Variants in UNC79 observed in about 807,000 individuals in gnomAD.
UNC79 encodes the protein unc-79 subunit of NALCN channel complex.
In UNC79, 37 loss-of-function variants were observed where a neutral mutation model predicts 283.1. That is an observed-to-expected ratio of 0.13 (90% CI 0.10 to 0.17). The LOEUF (loss-of-function observed/expected upper bound fraction) is 0.17, where lower values mean the gene tolerates loss of function less well. Among genes scored for constraint, UNC79 ranks in the 10% least tolerant of loss-of-function variants. The pLI is 1.00. For missense variants in UNC79, 2,272 were observed against 3,211.1 expected, an observed-to-expected ratio of 0.71 and a Z score of 7.07; for synonymous variants, 1,107 against 1,200.2, an observed-to-expected ratio of 0.92 and a Z score of 1.61.
At chr14:93,516,128 G>A (rs1287744735) in intron 7 of UNC79, among the ~76,000 whole-genome samples, 2 of 151,874 alleles carry the variant, frequency 1.3e-5, no homozygotes, top group Admixed American at 6.6e-5. Context: ...TGACCCTTTT[G>A]TTGAATAATA....
At chr14:93,557,299 G>T (rs1352965003) in intron 14 of UNC79, among the ~76,000 whole-genome samples, 1 of 152,156 alleles carries the variant, frequency 6.6e-6, no homozygotes, top group African/African-American at 2.4e-5. Flanking sequence ...TGCTGTTGTG[G>T]GAGTGTCTTT....
At chr14:93,606,252 G>A (rs536678774) in intron 26 of UNC79, among the ~76,000 whole-genome samples, 3 of 152,280 alleles carry the variant, frequency 2.0e-5, no homozygotes, top group African/African-American at 7.2e-5. Flanking sequence ...AAGCCTTCAG[G>A]CATCTAATTA....
chr14:93,517,295 C>T (rs1297773344), intron 7 of UNC79, among the ~76,000 whole-genome samples: 3 of 138,088 alleles, frequency 2.2e-5, no homozygotes, highest in Non-Finnish European at 3.1e-5. Flanking sequence ...CCCTTCTTTC[C>T]TTTCTCCCTT....
rs763325951 is a variant in UNC79 at position 93,497,328 on chromosome 14, CCTGTGCCACA to C, written c.898+46_898+55del. The C allele has an allele frequency of 3.1e-6, 5 of 1,596,710 alleles. No homozygotes were observed. The South Asian group carries it at 4.5e-5, about 14-fold the overall frequency. ...CCTGTGATGCCCCATCTGTATTTCT[CCTGTGCCACA>C]CTGGCCTCACCTACTTATACATACA... On this transcript the variant is annotated intron_variant, in intron 7 of 48. Coordinates refer to ENST00000555664, the Ensembl canonical transcript of UNC79.
intron 32 of UNC79, 51 bp from the exon 36 acceptor site, chr14:93,641,093 GC>G: frequency 6.6e-7 from 1 of 1,504,588 alleles, no homozygotes; most frequent in South Asian, 1.2e-5. Context: ...GCCTTTCTTG[GC>G]CCCTTGAAGC....
At chr14:93,537,861 T>C in intron 11 of UNC79, 128 bp from the exon 12 acceptor site, 1 of 862,620 alleles carries the variant, frequency 1.2e-6, no homozygotes, top group African/African-American at 1.7e-5. Flanking sequence ...TAACCTGCGC[T>C]TTGGAAACTA....
At chr14:93,379,264 A>G (rs2054618281) in intron 1 of UNC79, among the ~76,000 whole-genome samples, 1 of 152,136 alleles carries the variant, frequency 6.6e-6, no homozygotes, top group East Asian at 1.9e-4. Flanking sequence ...TTAGTTTCCC[A>G]AAGAGCCAAA....
intron 26 of UNC79, among the ~76,000 whole-genome samples, chr14:93,607,752 T>C (rs8022226): frequency 0.016 from 2,410 of 152,316 alleles, 38 homozygotes; most frequent in South Asian, 0.077. Flanking sequence ...GGCCTGCATT[T>C]GTATCCATAA....
intron 1 of UNC79, among the ~76,000 whole-genome samples, chr14:93,413,830 G>A (rs1306930670): frequency 2.3e-5 from 3 of 128,458 alleles, no homozygotes; most frequent in South Asian, 2.8e-4. Context: ...GTCTTCTTTT[G>A]AGAAGTGTCT....
At chr14:93,493,566 G>A (rs896737970) in intron 5 of UNC79, among the ~76,000 whole-genome samples, 10 of 152,158 alleles carry the variant, frequency 6.6e-5, no homozygotes, top group African/African-American at 2.4e-4. Context: ...CTTTCTGAAA[G>A]CTATTTAGGA....
At chr14:93,348,417 T>C in intron 1 of UNC79, 1 of 315,990 alleles carries the variant, frequency 3.2e-6, no homozygotes, top group Non-Finnish European at 5.9e-6. Flanking sequence ...CGAGAACTGC[T>C]GTGAAAGGTC....
chr14:93,691,861 T>G, exon 46 of UNC79: 3 of 1,614,182 alleles, frequency 1.9e-6, no homozygotes, highest in Non-Finnish European at 8.5e-7. Flanking sequence ...CAGAATGAAT[T>G]CAGCTTCACG....
At chr14:93,373,546 C>T (rs903423673) in intron 1 of UNC79, among the ~76,000 whole-genome samples, 1 of 152,098 alleles carries the variant, frequency 6.6e-6, no homozygotes, top group African/African-American at 2.4e-5. Context: ...TCTGCCAAAA[C>T]TCAAACAAAA....
intron 30 of UNC79, among the ~76,000 whole-genome samples, chr14:93,623,581 C>T (rs1009133811): frequency 3.3e-5 from 5 of 152,156 alleles, no homozygotes; most frequent in African/African-American, 1.2e-4. Flanking sequence ...ATCTTCATTT[C>T]TTAGTTCAGA....
intron 11 of UNC79, among the ~76,000 whole-genome samples, chr14:93,536,576 C>G (rs1025315961): frequency 3.9e-5 from 6 of 152,122 alleles, no homozygotes; most frequent in Non-Finnish European, 5.9e-5. Flanking sequence ...AAAACATGGG[C>G]TCTTATGTCT....
intron 14 of UNC79, among the ~76,000 whole-genome samples, chr14:93,549,319 T>G (rs2061756095): frequency 6.6e-6 from 1 of 152,216 alleles, no homozygotes; most frequent in Non-Finnish European, 1.5e-5. Context: ...AATCTGTATA[T>G]TCTATAATTT....
intron 4 of UNC79, among the ~76,000 whole-genome samples, chr14:93,481,399 G>A (rs988141927): frequency 1.3e-5 from 2 of 152,124 alleles, no homozygotes; most frequent in African/African-American, 2.4e-5. Flanking sequence ...GGGAGATGAT[G>A]GCTTTGGCAG....
chr14:93,629,071 T>C (rs1353918335), intron 30 of UNC79, among the ~76,000 whole-genome samples: 2 of 152,092 alleles, frequency 1.3e-5, no homozygotes, highest in Non-Finnish European at 2.9e-5. Flanking sequence ...TGGTGGTGTG[T>C]GCCTGTAATC....
At chr14:93,672,594 A>C (rs2072979651) in intron 40 of UNC79, among the ~76,000 whole-genome samples, 1 of 152,182 alleles carries the variant, frequency 6.6e-6, no homozygotes, top group South Asian at 2.1e-4. Flanking sequence ...TCTAATGTTC[A>C]ATAGCAGAGT....
Sources: gnomAD v4.1 joint callset for allele counts (sites outside exome capture counted in the v4.1 genomes callset) on GRCh38, gnomAD v4.1.1 for gene constraint, MANE v1.5 for transcripts, NCBI Gene and HGNC (gene_info 2026-07-23, HGNC 2026-07-21) for gene names.